ACYP2: variants seen among roughly 807,000 people sequenced by gnomAD.
ACYP2 encodes the protein acylphosphatase 2, also known as acylphosphatase-2.
In ACYP2, 12 loss-of-function variants were observed where a neutral mutation model predicts 11.2. That is an observed-to-expected ratio of 1.08 (90% CI 0.69 to 1.74). The LOEUF is 1.74. ACYP2 is among the 40% of genes most tolerant of loss of function. The pLI, the probability that ACYP2 is intolerant of heterozygous loss-of-function variation, is 0.00. For missense variants in ACYP2, 134 were observed against 101.9 expected, an observed-to-expected ratio of 1.31 and a Z score of -1.35; for synonymous variants, 43 against 32.2, an observed-to-expected ratio of 1.33 and a Z score of -1.13.
chr2:54,043,863 G>T (rs1158295508), intron 2 of ACYP2, among the ~76,000 whole-genome samples: 1 of 152,036 alleles, frequency 6.6e-6, no homozygotes, highest in Non-Finnish European at 1.5e-5. Flanking sequence ...CTCGGCTGGG[G>T]GCTAGCTGTG....
chr2:54,244,974 C>G (rs914175660), intron 6 of ACYP2, among the ~76,000 whole-genome samples: 6 of 152,104 alleles, frequency 3.9e-5, no homozygotes, highest in African/African-American at 1.4e-4. Flanking sequence ...TAAAACAGAA[C>G]TTATTCTTCC....
chr2:54,303,032 T>C (rs1184447477), intron 6 of ACYP2, among the ~76,000 whole-genome samples: 2 of 152,136 alleles, frequency 1.3e-5, no homozygotes, highest in Admixed American at 6.5e-5. Context: ...AGATAAGACA[T>C]GTAAAGAACT....
At chr2:54,292,249 T>C (rs922044695) in intron 6 of ACYP2, among the ~76,000 whole-genome samples, 1 of 152,124 alleles carries the variant, frequency 6.6e-6, no homozygotes, top group African/African-American at 2.4e-5. Context: ...GAAAAGATAA[T>C]TCCAAACATT....
intron 4 of ACYP2, among the ~76,000 whole-genome samples, chr2:54,128,799 C>T (rs528267578): frequency 3.7e-4 from 56 of 151,740 alleles, no homozygotes; most frequent in Non-Finnish European, 4.4e-4. Flanking sequence ...TGTGAAGATG[C>T]GGAAGTCATA....
chr2:54,153,890 G>A (rs59936071), intron 6 of ACYP2, among the ~76,000 whole-genome samples: 10,107 of 152,104 alleles, frequency 0.066, 512 homozygotes, highest in East Asian at 0.3. Context: ...ATGAGCCACC[G>A]CACCTGGCCC....
intron 6 of ACYP2, among the ~76,000 whole-genome samples, chr2:54,168,713 AAG>A (rs1683110216): frequency 6.6e-6 from 1 of 151,402 alleles, no homozygotes; most frequent in African/African-American, 2.4e-5. Flanking sequence ...TAAAAAGAGA[AAG>A]AGCAGTGAAA....
chr2:54,246,068 G>A (rs1156422053), intron 6 of ACYP2, among the ~76,000 whole-genome samples: 3 of 152,014 alleles, frequency 2.0e-5, no homozygotes, highest in African/African-American at 7.2e-5. Flanking sequence ...TCATTCTTCT[G>A]CATGTGGCTA....
chr2:54,023,726 A>C (rs914611015), intron 2 of ACYP2, among the ~76,000 whole-genome samples: 2 of 152,216 alleles, frequency 1.3e-5, no homozygotes, highest in Non-Finnish European at 2.9e-5. Context: ...GGAAACATAC[A>C]ATCCTGCTAG....
chr2:54,064,514 T>C (rs1310791335), intron 4 of ACYP2, among the ~76,000 whole-genome samples: 1 of 152,210 alleles, frequency 6.6e-6, no homozygotes, highest in Non-Finnish European at 1.5e-5. Context: ...CATTTCTTCC[T>C]AGTGGTAATA....
intron 6 of ACYP2, among the ~76,000 whole-genome samples, chr2:54,221,520 C>CTTT (rs548466074): frequency 0.082 from 10,415 of 127,212 alleles, 674 homozygotes; most frequent in South Asian, 0.21. Flanking sequence ...GAATAAAATT[C>CTTT]TTTTTTTTTT....
At chr2:54,217,652 C>A (rs1030871408) in intron 6 of ACYP2, among the ~76,000 whole-genome samples, 2 of 152,086 alleles carry the variant, frequency 1.3e-5, no homozygotes, top group African/African-American at 4.8e-5. Flanking sequence ...AGATTACAGG[C>A]GTGAGCCTGT....
At chr2:53,992,174 T>TTCCTTCCTTCTTTCTCCTTCCTTC (rs1672333873) in intron 2 of ACYP2, among the ~76,000 whole-genome samples, 1 of 149,854 alleles carries the variant, frequency 6.7e-6, no homozygotes, top group African/African-American at 2.5e-5. Flanking sequence ...CTACTTTTTT[T>TTCCTTCCTTCTTTCTCCTTCCTTC]CTTCCTTCCT....
At chr2:54,096,701 C>T (rs55862516) in intron 4 of ACYP2, among the ~76,000 whole-genome samples, 37,082 of 151,746 alleles carry the variant, frequency 0.24, 5,020 homozygotes, top group South Asian at 0.47. Flanking sequence ...GGTGTGGCGG[C>T]GCGCGCCTGC....
At chr2:53,985,547 C>G (rs1671996932) in intron 2 of ACYP2, among the ~76,000 whole-genome samples, 1 of 152,108 alleles carries the variant, frequency 6.6e-6, no homozygotes, top group Admixed American at 6.6e-5. Context: ...GCAGCACTAC[C>G]CCAAAGAGTC....
chr2:54,113,961 G>A (rs12617094), intron 4 of ACYP2, among the ~76,000 whole-genome samples: 10,112 of 152,166 alleles, frequency 0.066, 500 homozygotes, highest in East Asian at 0.29. Context: ...GTTAAGTTAC[G>A]AGGTCTCTGC....
chr2:54,041,898 C>T (rs1675250108), intron 2 of ACYP2, among the ~76,000 whole-genome samples: 1 of 152,110 alleles, frequency 6.6e-6, no homozygotes, highest in Admixed American at 6.5e-5. Context: ...TCAAGCAATC[C>T]TCCCGCCTCA....
chr2:54,129,534 A>G (rs1243873029), intron 4 of ACYP2, among the ~76,000 whole-genome samples: 1 of 151,754 alleles, frequency 6.6e-6, no homozygotes, highest in African/African-American at 2.4e-5. Flanking sequence ...TGTTATGTAT[A>G]TGCATAATGT....
chr2:54,053,113 T>C (rs1675950674), intron 3 of ACYP2, among the ~76,000 whole-genome samples: 1 of 152,246 alleles, frequency 6.6e-6, no homozygotes, highest in Non-Finnish European at 1.5e-5. Flanking sequence ...AGAGCATGTT[T>C]TTAACTTCAC....
intron 2 of ACYP2, among the ~76,000 whole-genome samples, chr2:54,020,317 C>T (rs980743180): frequency 2.6e-5 from 4 of 152,150 alleles, no homozygotes; most frequent in Non-Finnish European, 4.4e-5. Flanking sequence ...TGTTTTCCCT[C>T]TGGGAGAGGA....
Sources: gnomAD v4.1 joint callset for allele counts (sites outside exome capture counted in the v4.1 genomes callset) on GRCh38, gnomAD v4.1.1 for gene constraint, MANE v1.5 for transcripts, NCBI Gene and HGNC (gene_info 2026-07-23, HGNC 2026-07-21) for gene names.